EML1: variants seen among roughly 807,000 people sequenced by gnomAD.
EML1 encodes echinoderm microtubule-associated protein-like 1.
EML1 carries 27 observed loss-of-function variants against 110.4 expected under a neutral mutation model. That is an observed-to-expected ratio of 0.24 (90% CI 0.18 to 0.34). The LOEUF (loss-of-function observed/expected upper bound fraction) is 0.34, where lower values mean the gene tolerates loss of function less well. Ranked by LOEUF, EML1 falls within the 10% of genes least tolerant of loss-of-function variation. The pLI, the probability that EML1 is intolerant of heterozygous loss-of-function variation, is 1.00. For missense variants in EML1, 741 were observed against 1,030.9 expected (o/e 0.72, Z 3.85); for synonymous variants, 344 against 385.8 (o/e 0.89, Z 1.27).
chr14:99,847,312 G>A (rs191539955), intron 1 of EML1, among the ~76,000 whole-genome samples: 2 of 152,254 alleles, frequency 1.3e-5, no homozygotes, highest in East Asian at 3.9e-4. Context: ...AGTCAACACG[G>A]TTTATAGTGT....
chr14:99,795,852 T>G (rs550088153), intron 1 of EML1, among the ~76,000 whole-genome samples: 1 of 152,330 alleles, frequency 6.6e-6, no homozygotes, highest in Admixed American at 6.5e-5. Context: ...AAAATCATGG[T>G]TACAGCTTTA....
At chr14:99,882,986 G>A (rs1331925909) in intron 4 of EML1, among the ~76,000 whole-genome samples, 2 of 152,158 alleles carry the variant, frequency 1.3e-5, no homozygotes, top group African/African-American at 4.8e-5. Context: ...CCTTTCTAAA[G>A]CTCTAGCATT....
At chr14:99,746,966 G>A (rs998263799) in intron 1 of EML1, among the ~76,000 whole-genome samples, 2 of 152,090 alleles carry the variant, frequency 1.3e-5, no homozygotes, top group African/African-American at 2.4e-5. Flanking sequence ...TCCTGTGCTT[G>A]CCTCCGCTCT....
chr14:99,763,419 A>C (rs2057335814), intron 1 of EML1, among the ~76,000 whole-genome samples: 1 of 152,054 alleles, frequency 6.6e-6, no homozygotes, highest in Non-Finnish European at 1.5e-5. Flanking sequence ...TTGCAAGACA[A>C]CCCTCTTCAT....
At chr14:99,763,181 G>A (rs1018559936) in intron 1 of EML1, among the ~76,000 whole-genome samples, 5 of 152,310 alleles carry the variant, frequency 3.3e-5, no homozygotes, top group African/African-American at 1.2e-4. Flanking sequence ...TGCCATGATT[G>A]TGAGGCCTCC....
chr14:99,858,119 C>T (rs1236648268), intron 2 of EML1, among the ~76,000 whole-genome samples: 1 of 151,800 alleles, frequency 6.6e-6, no homozygotes, highest in Admixed American at 6.6e-5. Context: ...CTGAACCTTG[C>T]TCTTTTTACT....
chr14:99,754,127 T>C (rs1021836845), intron 1 of EML1, among the ~76,000 whole-genome samples: 4 of 152,248 alleles, frequency 2.6e-5, no homozygotes, highest in African/African-American at 9.6e-5. Flanking sequence ...TGCTGATCTC[T>C]AAAGTGGCTC....
At chr14:99,743,451 T>A (rs1376467551) in intron 1 of EML1, among the ~76,000 whole-genome samples, 5 of 152,252 alleles carry the variant, frequency 3.3e-5, no homozygotes, top group East Asian at 1.9e-4. Context: ...AGCTGTGGGA[T>A]GTTGTTAGGC....
chr14:99,892,269 C>T, intron 5 of EML1: 1 of 893,672 alleles, frequency 1.1e-6, no homozygotes, highest in Non-Finnish European at 1.3e-6. Flanking sequence ...CTTTTTCATA[C>T]AGGCAAACAG....
intron 1 of EML1, among the ~76,000 whole-genome samples, chr14:99,812,537 C>G (rs1016107504): frequency 6.6e-6 from 1 of 151,764 alleles, no homozygotes; most frequent in Non-Finnish European, 1.5e-5. Context: ...CTGCACAATG[C>G]GCCTCCCCAC....
chr14:99,770,930 G>T (rs1423671044), upstream of EML1, among the ~76,000 whole-genome samples: 1 of 150,940 alleles, frequency 6.6e-6, no homozygotes, highest in African/African-American at 2.4e-5. Flanking sequence ...GACTACAGGC[G>T]CCCGCCACTA....
At chr14:99,775,573 G>T (rs373515015) in intron 1 of EML1, among the ~76,000 whole-genome samples, 1 of 152,334 alleles carries the variant, frequency 6.6e-6, no homozygotes, top group African/African-American at 2.4e-5. Context: ...GGTTGATCTG[G>T]CACCATGATG....
At chr14:99,824,159 T>G (rs575733949) in intron 1 of EML1, among the ~76,000 whole-genome samples, 1 of 152,040 alleles carries the variant, frequency 6.6e-6, no homozygotes, top group South Asian at 2.1e-4. Flanking sequence ...GGGGTTTCAC[T>G]ATGTTGGTCT....
chr14:99,894,802 C>T (rs1377362846), intron 6 of EML1, 44 bp downstream of exon 6: 6 of 1,571,104 alleles, frequency 3.8e-6, no homozygotes, highest in Non-Finnish European at 4.3e-6. Context: ...AGTTATCAGT[C>T]AATCAATGCT....
intron 1 of EML1, among the ~76,000 whole-genome samples, chr14:99,810,138 C>T (rs143964121): frequency 6.6e-6 from 1 of 152,088 alleles, no homozygotes; most frequent in Admixed American, 6.6e-5. Context: ...AGCTGGCGCC[C>T]CTGGGGGAAC....
intron 1 of EML1, among the ~76,000 whole-genome samples, chr14:99,783,002 T>TA (rs1566862314): frequency 4.1e-5 from 6 of 146,980 alleles, no homozygotes; most frequent in Non-Finnish European, 7.7e-5. Flanking sequence ...ATATATATAT[T>TA]TTTATTATAC....
intron 1 of EML1, among the ~76,000 whole-genome samples, chr14:99,794,664 G>A (rs2057737165): frequency 6.6e-6 from 1 of 152,136 alleles, no homozygotes; most frequent in African/African-American, 2.4e-5. Context: ...GATAGCTTTT[G>A]CAGCTTATAC....
At chr14:99,764,640 G>A (rs762797310) in intron 1 of EML1, among the ~76,000 whole-genome samples, 6 of 152,224 alleles carry the variant, frequency 3.9e-5, no homozygotes, top group Non-Finnish European at 5.9e-5. Context: ...TGGAAGTGCC[G>A]CTGCAAGGAG....
chr14:99,910,436 C>A, intron 12 of EML1, 95 bp downstream of exon 12: 1 of 954,330 alleles, frequency 1.0e-6, no homozygotes, highest in Non-Finnish European at 1.6e-6. Flanking sequence ...ATACAACGTA[C>A]AGGAGTAGGA....
Sources: allele counts gnomAD v4.1 joint callset (sites outside exome capture counted in the v4.1 genomes callset), GRCh38; gene constraint gnomAD v4.1.1; transcripts MANE v1.5; gene names NCBI Gene and HGNC (gene_info 2026-07-23, HGNC 2026-07-21).